Variants in NXN observed in about 807,000 individuals in gnomAD.
NXN encodes nucleoredoxin.
In NXN, 16 loss-of-function variants were observed where a neutral mutation model predicts 48.6. The observed-to-expected ratio is 0.33, with a 90% CI of 0.22 to 0.50. The LOEUF is 0.50. NXN is among the 20% of genes least tolerant of loss of function. The probability of loss-of-function intolerance (pLI) is 0.98; values close to 1 mark genes in which losing one functional copy is unlikely to be tolerated. For missense variants in NXN, 492 were observed against 605.5 expected (o/e 0.81, Z 1.97); for synonymous variants, 281 against 269.6 (o/e 1.04, Z -0.41).
intron 1 of NXN, among the ~76,000 whole-genome samples, chr17:855,715 T>G (rs2067977793): frequency 1.3e-5 from 2 of 152,138 alleles, no homozygotes; most frequent in Non-Finnish European, 2.9e-5. Context: ...AAATTAAGTT[T>G]AGGGGAAAAA....
At chr17:865,431 G>A (rs1450818821) in intron 1 of NXN, among the ~76,000 whole-genome samples, 3 of 150,126 alleles carry the variant, frequency 2.0e-5, no homozygotes, top group Non-Finnish European at 3.0e-5. Context: ...TAGGAGAGAC[G>A]GAGTTTCTCC....
intron 1 of NXN, among the ~76,000 whole-genome samples, chr17:929,471 T>C (rs2068832727): frequency 6.6e-6 from 1 of 152,250 alleles, no homozygotes; most frequent in Admixed American, 6.5e-5. Context: ...TGACAACCTG[T>C]CTGTGAAGAA....
intron 1 of NXN, among the ~76,000 whole-genome samples, chr17:847,362 G>A (rs1467837083): frequency 6.6e-6 from 1 of 152,086 alleles, no homozygotes; most frequent in Non-Finnish European, 1.5e-5. Flanking sequence ...ATGACAAGGA[G>A]GGGAGAGGAA....
At chr17:824,868 G>A (rs1015157298) in intron 2 of NXN, among the ~76,000 whole-genome samples, 1 of 152,176 alleles carries the variant, frequency 6.6e-6, no homozygotes, top group African/African-American at 2.4e-5. Context: ...CAGGCTGGTT[G>A]AAAATGCAGG....
intron 1 of NXN, among the ~76,000 whole-genome samples, chr17:841,599 C>CT (rs1387439757): frequency 8.8e-6 from 1 of 113,176 alleles, no homozygotes; most frequent in Non-Finnish European, 1.8e-5. Context: ...CGAGCAGGTC[C>CT]CCCCGACCAC....
intron 2 of NXN, among the ~76,000 whole-genome samples, chr17:824,213 T>A (rs1912975642): frequency 6.6e-6 from 1 of 151,522 alleles, no homozygotes. Context: ...CTAATGTTTT[T>A]TTTCTATTTA....
At chr17:816,984 G>T (rs927240016) in intron 5 of NXN, among the ~76,000 whole-genome samples, 12 of 152,082 alleles carry the variant, frequency 7.9e-5, no homozygotes, top group African/African-American at 2.9e-4. Flanking sequence ...TCCAACTTGG[G>T]GCCTTTTCTT....
At chr17:954,500 G>A (rs183650056) in intron 1 of NXN, among the ~76,000 whole-genome samples, 147 of 152,352 alleles carry the variant, frequency 9.6e-4, no homozygotes, top group Admixed American at 2.5e-3. Context: ...GGGCAAGCAC[G>A]TGTCCGGGGC....
intron 1 of NXN, among the ~76,000 whole-genome samples, chr17:918,825 T>A (rs1362119796): frequency 1.5e-5 from 2 of 136,936 alleles, no homozygotes; most frequent in Non-Finnish European, 3.1e-5. Flanking sequence ...GGGGCGGGTG[T>A]TTGTTGAATC....
rs976252380 is a variant in NXN, at chr17:849,219, C to T, written c.361-23141G>A. On this transcript the variant is annotated intron_variant, in intron 1 of 7. Coordinates refer to ENST00000336868, the MANE Select transcript of NXN (RefSeq NM_022463.5). This position sits in a 1 kb window ranked among gnomAD's most constrained non-coding sequence, Gnocchi z 4.2. ...CTCCTGGAAGTTCAGAAAGTGGATA[C>T]AAAGACGGATTCACTAAGACCAGAG... Among the ~76,000 whole-genome samples the T allele has an allele frequency of 6.6e-5, 10 of 152,062 alleles. No homozygotes were observed. Among genetic ancestry groups the T allele is most frequent in the Non-Finnish European group, 1.0e-4 (7 of 68,006 alleles).
chr17:808,332 T>G (rs1475703497), intron 5 of NXN, among the ~76,000 whole-genome samples: 2 of 150,366 alleles, frequency 1.3e-5, no homozygotes, highest in Non-Finnish European at 3.0e-5. Context: ...AGACGCAGTC[T>G]CCCTCTGCTG....
intron 1 of NXN, among the ~76,000 whole-genome samples, chr17:831,452 T>C (rs376460302): frequency 7.9e-6 from 1 of 126,316 alleles, no homozygotes; most frequent in Non-Finnish European, 1.7e-5. Flanking sequence ...CGACTTTATT[T>C]ATTCATTTAT....
intron 1 of NXN, among the ~76,000 whole-genome samples, chr17:880,350 T>C (rs996745697): frequency 1.2e-4 from 18 of 151,900 alleles, no homozygotes; most frequent in African/African-American, 4.4e-4. Flanking sequence ...AGGGCTGGGG[T>C]TTGTGATAAG....
At chr17:819,291 A>G in intron 5 of NXN, 148 bp downstream of exon 5, 1 of 701,006 alleles carries the variant, frequency 1.4e-6, no homozygotes, top group Middle Eastern at 3.1e-4. Context: ...CACACCATGA[A>G]AATTCTACAC....
At chr17:967,963 C>T (rs957465340) in intron 1 of NXN, among the ~76,000 whole-genome samples, 4 of 150,360 alleles carry the variant, frequency 2.7e-5, no homozygotes, top group Non-Finnish European at 4.4e-5. Context: ...CAGAGCGAGA[C>T]TCCGTCTCAA....
intron 1 of NXN, among the ~76,000 whole-genome samples, chr17:892,824 G>A (rs909000243): frequency 5.3e-5 from 8 of 152,138 alleles, no homozygotes; most frequent in African/African-American, 1.7e-4. Flanking sequence ...TTATGCATTC[G>A]TCAGAACCAA....
intron 1 of NXN, among the ~76,000 whole-genome samples, chr17:866,626 C>T (rs975699307): frequency 2.6e-5 from 4 of 152,156 alleles, no homozygotes; most frequent in Non-Finnish European, 5.9e-5. Context: ...ACCTCAGTAA[C>T]ACCCTTCAGT....
chr17:832,169 T>C (rs1913512111), intron 1 of NXN, among the ~76,000 whole-genome samples: 1 of 146,474 alleles, frequency 6.8e-6, no homozygotes, highest in Admixed American at 6.8e-5. Flanking sequence ...TGCTTTGCTC[T>C]TAGCCAGGAA....
intron 1 of NXN, among the ~76,000 whole-genome samples, chr17:976,909 G>C (rs769948799): frequency 2.6e-5 from 4 of 152,056 alleles, no homozygotes; most frequent in Non-Finnish European, 5.9e-5. Context: ...TGGGACTAGA[G>C]GCATGCGCCA....
Sources: allele counts gnomAD v4.1 joint callset (sites outside exome capture counted in the v4.1 genomes callset), GRCh38; gene constraint gnomAD v4.1.1; non-coding constraint Gnocchi (gnomAD v3.1); transcripts MANE v1.5; gene names NCBI Gene and HGNC (gene_info 2026-07-23, HGNC 2026-07-21).